The following SP4 variants were observed in gnomAD, a reference collection of about 807,000 sequenced individuals.
The protein encoded by SP4 is transcription factor Sp4.
Under a neutral mutation model 72.8 loss-of-function variants are expected in SP4, and 19 were observed. That is an observed-to-expected ratio of 0.26 (90% CI 0.18 to 0.38). The LOEUF is 0.38. SP4 is among the 10% of genes least tolerant of loss of function. The probability of loss-of-function intolerance (pLI) is 1.00; values close to 1 mark genes in which losing one functional copy is unlikely to be tolerated. For synonymous variants in SP4, 395 were observed against 333.1 expected, an observed-to-expected ratio of 1.19 and a Z score of -2.02; for missense variants, 1,008 against 926.3, an observed-to-expected ratio of 1.09 and a Z score of -1.14.
intron 3 of SP4, among the ~76,000 whole-genome samples, chr7:21,470,314 T>C (rs138491037): frequency 9.7e-4 from 147 of 152,308 alleles, no homozygotes; most frequent in African/African-American, 3.2e-3. Flanking sequence ...TGAGCAGCTT[T>C]TGTTGGAAAT....
chr7:21,461,838 A>T (rs747122129), intron 3 of SP4, among the ~76,000 whole-genome samples: 6 of 143,314 alleles, frequency 4.2e-5, no homozygotes, highest in African/African-American at 1.0e-4. Flanking sequence ...GAAAGAATGG[A>T]TAGACCTTTA....
At chr7:21,440,868 A>ACAG (rs1783220973) in intron 3 of SP4, among the ~76,000 whole-genome samples, 1 of 151,616 alleles carries the variant, frequency 6.6e-6, no homozygotes, top group African/African-American at 2.4e-5. Context: ...AACAACAACA[A>ACAG]CAACAACAAC....
chr7:21,436,449 C>T (rs1160715953), intron 3 of SP4, among the ~76,000 whole-genome samples: 1 of 152,156 alleles, frequency 6.6e-6, no homozygotes, highest in African/African-American at 2.4e-5. Flanking sequence ...GATTATGGCT[C>T]AGCAGTTGTA....
chr7:21,483,102 T>C (rs1271649196), intron 5 of SP4, among the ~76,000 whole-genome samples: 1 of 152,142 alleles, frequency 6.6e-6, no homozygotes, highest in African/African-American at 2.4e-5. Context: ...TGCTCACCAG[T>C]ACCCAGTAGT....
chr7:21,428,202 C>CCCA lies in SP4; in HGVS notation c.-49_-48insCAC. ...CCTCCCGCCTCGCCCCCACCCCCAC[C>CCCA]CACCTCTATCCCAGTGTCTCCGTCT... On this transcript the variant is annotated 5_prime_UTR_variant, in exon 1 of 6. Transcript: ENST00000222584. 8.3e-7 allele frequency: 1 copy of CCCA among 1,206,790 alleles called. No individual in the cohort carries two copies. Among genetic ancestry groups the CCCA allele is most frequent in the Non-Finnish European group, 1.2e-6 (1 of 846,184 alleles). The allele number at this position is 1,206,790 out of a possible 1,614,324, so 74.8% of individuals were successfully genotyped here.
At chr7:21,498,581 C>G (rs375137034) in intron 5 of SP4, among the ~76,000 whole-genome samples, 6 of 152,114 alleles carry the variant, frequency 3.9e-5, no homozygotes, top group Non-Finnish European at 8.8e-5. Flanking sequence ...TCCTTACATT[C>G]AAAAATGATT....
chr7:21,509,433 TA>T (rs1273592187), intron 5 of SP4, among the ~76,000 whole-genome samples: 1 of 151,664 alleles, frequency 6.6e-6, no homozygotes, highest in South Asian at 2.1e-4. Context: ...TTGTACTTTT[TA>T]AAGTACCTTC....
chr7:21,467,959 G>C (rs1275814513), intron 3 of SP4, among the ~76,000 whole-genome samples: 1 of 152,076 alleles, frequency 6.6e-6, no homozygotes, highest in African/African-American at 2.4e-5. Flanking sequence ...GTCAATTTCA[G>C]TTTATTGGTT....
intron 3 of SP4, among the ~76,000 whole-genome samples, chr7:21,469,301 A>T (rs1287205795): frequency 6.6e-6 from 1 of 152,182 alleles, no homozygotes; most frequent in Non-Finnish European, 1.5e-5. Context: ...ACAAAGATTA[A>T]AACAGAACTT....
intron 3 of SP4, 46 bp from the exon 4 acceptor site, chr7:21,477,033 A>T: frequency 7.2e-7 from 1 of 1,391,848 alleles, no homozygotes; most frequent in Non-Finnish European, 1.0e-6. Context: ...TCCTTTCTTT[A>T]GGTGTAGAAA....
At chr7:21,491,431 A>G (rs530091647) in intron 5 of SP4, among the ~76,000 whole-genome samples, 26 of 152,278 alleles carry the variant, frequency 1.7e-4, no homozygotes, top group South Asian at 1.2e-3. Context: ...TGGGACAATA[A>G]TAAAAGGTCT....
chr7:21,456,660 G>C (rs1353222801), intron 3 of SP4, among the ~76,000 whole-genome samples: 1 of 152,194 alleles, frequency 6.6e-6, no homozygotes, highest in African/African-American at 2.4e-5. Flanking sequence ...TTACCCACAG[G>C]GAAAACAGGA....
intron 5 of SP4, among the ~76,000 whole-genome samples, chr7:21,509,114 A>G (rs1270038926): frequency 6.6e-6 from 1 of 152,018 alleles, no homozygotes; most frequent in Non-Finnish European, 1.5e-5. Flanking sequence ...AATGTTTCAT[A>G]TTATGTTGAA....
At chr7:21,451,654 A>C (rs966946720) in intron 3 of SP4, among the ~76,000 whole-genome samples, 1 of 152,150 alleles carries the variant, frequency 6.6e-6, no homozygotes, top group Non-Finnish European at 1.5e-5. Flanking sequence ...GTCATGTCCC[A>C]CTGATGGGCA....
At chr7:21,471,623 C>A (rs1784345949) in intron 3 of SP4, among the ~76,000 whole-genome samples, 1 of 152,116 alleles carries the variant, frequency 6.6e-6, no homozygotes, top group Non-Finnish European at 1.5e-5. Context: ...CACTTGAGGT[C>A]AGGAGTTTGA....
chr7:21,486,332 T>A (rs760159605), intron 5 of SP4, among the ~76,000 whole-genome samples: 15 of 152,118 alleles, frequency 9.9e-5, no homozygotes, highest in Admixed American at 3.3e-4. Flanking sequence ...ATAACCACAG[T>A]ACCTTATGAG....
intron 1 of SP4, 146 bp downstream of exon 1, chr7:21,428,404 A>G (rs1490611565): frequency 1.5e-6 from 1 of 686,820 alleles, no homozygotes. Context: ...TCGGGGAGGG[A>G]AGGAGGGTTG....
intron 3 of SP4, among the ~76,000 whole-genome samples, chr7:21,469,446 G>A (rs928057177): frequency 4.6e-5 from 7 of 151,926 alleles, no homozygotes; most frequent in Admixed American, 4.6e-4. Context: ...AACTTAAAGT[G>A]TATGTGTTTG....
At chr7:21,486,906 G>C (rs1013693248) in intron 5 of SP4, among the ~76,000 whole-genome samples, 1 of 152,154 alleles carries the variant, frequency 6.6e-6, no homozygotes, top group Non-Finnish European at 1.5e-5. Context: ...AGAGGAGTTT[G>C]GGGGGCTTTT....
Sources: gnomAD v4.1 joint callset for allele counts (sites outside exome capture counted in the v4.1 genomes callset) on GRCh38, gnomAD v4.1.1 for gene constraint, MANE v1.5 for transcripts, NCBI Gene and HGNC (gene_info 2026-07-23, HGNC 2026-07-21) for gene names.